DNAH2: variants seen among roughly 807,000 people sequenced by gnomAD.
DNAH2 encodes dynein axonemal heavy chain 2, also known as axonemal beta dynein heavy chain 2.
DNAH2 carries 323 observed loss-of-function variants against 523.5 expected under a neutral mutation model. The observed-to-expected ratio is 0.62, with a 90% confidence interval of 0.56 to 0.68. The LOEUF is 0.68. Ranked by LOEUF, DNAH2 falls within the 30% of genes least tolerant of loss-of-function variation. DNAH2 has a pLI of 0.00. For synonymous variants in DNAH2, 2,093 were observed against 2,177.4 expected, an observed-to-expected ratio of 0.96 and a Z score of 1.08; for missense variants, 4,907 against 5,701.5, an observed-to-expected ratio of 0.86 and a Z score of 4.49.
rs894675291 is a variant in DNAH2, at chr17:7,798,400, T to A, written c.8398+76T>A. 5.8e-6 allele frequency: 9 copies of A among 1,546,328 alleles called. No individual in the cohort carries two copies. The highest frequency in any genetic ancestry group is 7.9e-6 in the Non-Finnish European group (9 of 1,144,608). ...TCCTGCAGTGACAAGAGAGGAGAGATGGCAGCCAGATGGGCAGACGTGTCT... is the reference window on the plus strand; with the variant it reads ...TCCTGCAGTGACAAGAGAGGAGAGAAGGCAGCCAGATGGGCAGACGTGTCT... On this transcript the variant is annotated intron_variant, in intron 54 of 85. Coordinates refer to ENST00000572933, the MANE Select transcript of DNAH2 (RefSeq NM_020877.5). The surrounding 1 kb of genome is among the most constrained non-coding windows in gnomAD (Gnocchi z 5.5).
chr17:7,726,432 T>C (rs955557985), intron 3 of DNAH2, among the ~76,000 whole-genome samples: 8 of 151,590 alleles, frequency 5.3e-5, no homozygotes, highest in African/African-American at 1.9e-4. Flanking sequence ...GCTTCCCGAG[T>C]AGCTGGGATT....
chr17:7,718,518 C>G lies in DNAH2; in HGVS notation c.-296C>G, dbSNP rs1233536529. 1 of 152,156 alleles carries G rather than the reference C, an allele frequency of 6.6e-6. No individual in the cohort carries two copies. The highest frequency in any genetic ancestry group is 1.5e-5 in the Non-Finnish European group (1 of 68,034). 9.4% of individuals were successfully genotyped at this position (152,156 alleles called of 1,614,324 possible). A position where few individuals can be genotyped will look rare whatever the true frequency, so the allele number is the denominator to read the frequency against. ...GCGCCTGGGATTCTGAGCACCTGTC[C>G]GAGATCCCCGCTTCCTGCCATCCTA... On this transcript the variant is annotated 5_prime_UTR_variant, in exon 1 of 86. Coordinates refer to ENST00000572933, the MANE Select transcript of DNAH2 (RefSeq NM_020877.5).
intron 56 of DNAH2, 41 bp downstream of exon 56, chr17:7,799,283 C>T (rs1422271839): frequency 6.2e-7 from 1 of 1,605,830 alleles, no homozygotes; most frequent in Non-Finnish European, 8.5e-7. Flanking sequence ...CTTCTGTGTG[C>T]TCCCTCACCC....
chr17:7,730,904 C>A (rs2074964336), intron 4 of DNAH2, among the ~76,000 whole-genome samples: 1 of 152,044 alleles, frequency 6.6e-6, no homozygotes, highest in African/African-American at 2.4e-5. Flanking sequence ...TGCCTGAGCT[C>A]AGGAGTTTAA....
chr17:7,740,595 T>C (rs779925399), intron 10 of DNAH2, 46 bp downstream of exon 10: 36 of 1,604,150 alleles, frequency 2.2e-5, no homozygotes, highest in Non-Finnish European at 3.1e-5. Flanking sequence ...CCGCGTGCTT[T>C]CCTGGAGTCC....
chr17:7,719,497 G>A (rs1475543623), intron 1 of DNAH2, among the ~76,000 whole-genome samples: 2 of 152,144 alleles, frequency 1.3e-5, no homozygotes, highest in Non-Finnish European at 2.9e-5. Context: ...TTAGCCCAGT[G>A]CCCCGAAGAC....
intron 68 of DNAH2, 96 bp downstream of exon 68, chr17:7,818,192 G>C (rs2077738351): frequency 6.3e-7 from 1 of 1,595,918 alleles, no homozygotes; most frequent in Admixed American, 1.7e-5. Context: ...CCTCCATTCA[G>C]ACAGCCCTGG....
intron 11 of DNAH2, among the ~76,000 whole-genome samples, chr17:7,742,148 G>A (rs2151158650): frequency 6.6e-6 from 1 of 152,000 alleles, no homozygotes; most frequent in South Asian, 2.1e-4. Flanking sequence ...AACTTTCTGG[G>A]GCCAGGTGCG....
At chr17:7,809,251 C>T (rs950522436) in intron 63 of DNAH2, among the ~76,000 whole-genome samples, 1 of 152,214 alleles carries the variant, frequency 6.6e-6, no homozygotes, top group Non-Finnish European at 1.5e-5. Context: ...CTAGGGAGAT[C>T]AAGGGCTCAC....
Position 7,754,704 on chromosome 17 carries a change from C to T in DNAH2, c.1905-2387C>T. 8.2e-7 allele frequency: 1 copy of T among 1,218,678 alleles called. No homozygotes were observed. 75.5% of individuals were successfully genotyped at this position (1,218,678 alleles called of 1,614,324 possible). A position where few individuals can be genotyped will look rare whatever the true frequency, so the allele number is the denominator to read the frequency against. On this transcript the variant is annotated intron_variant, in intron 12 of 85. Coordinates refer to ENST00000572933, the MANE Select transcript of DNAH2 (RefSeq NM_020877.5). This position sits in a 1 kb window ranked among gnomAD's most constrained non-coding sequence, Gnocchi z 4.6. Reference sequence around the variant, plus strand: ...CATTGCCCACCCCAACCTTGGGAAGCTTGCTCGTGCCCGCATGGCCAAGGG... The same window carrying T: ...CATTGCCCACCCCAACCTTGGGAAGTTTGCTCGTGCCCGCATGGCCAAGGG...
intron 63 of DNAH2, among the ~76,000 whole-genome samples, chr17:7,816,312 G>C (rs940676256): frequency 1.3e-5 from 2 of 152,102 alleles, no homozygotes; most frequent in African/African-American, 4.8e-5. Flanking sequence ...AAACTACCAA[G>C]TAGTTTCTGG....
In DNAH2 at chr17:7,737,237, A is replaced by T. The variant is rs759017289; in HGVS notation, c.1149A>T (p.Arg383Ser). 4 of 1,613,840 alleles carry T rather than the reference A, an allele frequency of 2.5e-6. No individual in the cohort carries two copies. The Admixed American group carries it at 6.7e-5, about 27-fold the overall frequency. ...VNSPHYNTRERLTSLFRKVCD... is the reference protein window; with the variant it reads ...VNSPHYNTRESLTSLFRKVCD... ...CTCCCCACTACAACACTCGGGAGAG[A>T]CTGACCTCGCTCTTCCGAAAGGTGT... Residue 383 changes from arginine to serine, a missense_variant, in exon 8 of 86, where the codon AGA (arginine) becomes AGT (serine). Coordinates refer to ENST00000572933, the MANE Select transcript of DNAH2 (RefSeq NM_020877.5).
Position 7,797,540 on chromosome 17 carries a change from G to C in DNAH2, c.8080+10G>C, listed in dbSNP as rs768850521. ...CGTCCTCCTATCTTTGGTGAGCCAG[G>C]AGCTGTGATGACCTTGGGCTTGACA... On this transcript the variant is annotated intron_variant, in intron 52 of 85. Transcript: ENST00000572933. 2 of 1,614,166 alleles carry C rather than the reference G, an allele frequency of 1.2e-6. No homozygotes were observed. Among genetic ancestry groups the C allele is most frequent in the Non-Finnish European group, 1.7e-6 (2 of 1,180,032 alleles).
chr17:7,789,036 T>C (rs749664788), intron 44 of DNAH2, among the ~76,000 whole-genome samples: 1 of 152,102 alleles, frequency 6.6e-6, no homozygotes, highest in Non-Finnish European at 1.5e-5. Flanking sequence ...TGGTGGCACG[T>C]GCCTGTAGTC....
At chr17:7,752,225 T>C (rs1363473260) in intron 12 of DNAH2, among the ~76,000 whole-genome samples, 1 of 150,148 alleles carries the variant, frequency 6.7e-6, no homozygotes, top group African/African-American at 2.4e-5. Context: ...TATTTTATTT[T>C]TGTTGTTTTA....
chr17:7,757,089 A>T lies in DNAH2; in HGVS notation c.1905-2A>T, dbSNP rs1567646909. On this transcript the variant is annotated splice_acceptor_variant, in intron 12 of 85. Transcript: ENST00000572933. LOFTEE classifies it high-confidence loss of function. The stretch of plus-strand genomic sequence containing the variant: ...TCACTGCCTGGCTGCTCTCTCTCAA[A>T]GGTCCCTTCTGATTCTCTTTGCGGA... The T allele has an allele frequency of 2.5e-6, 4 of 1,613,926 alleles. No individual in the cohort carries two copies. Among genetic ancestry groups the T allele is most frequent in the Admixed American group, 1.7e-5 (1 of 59,986 alleles).
intron 48 of DNAH2, among the ~76,000 whole-genome samples, chr17:7,793,827 A>C (rs2076988917): frequency 6.6e-6 from 1 of 151,930 alleles, no homozygotes. Flanking sequence ...TATATCTGGC[A>C]CTCAGGGCCA....
Position 7,743,146 on chromosome 17 carries a change from C to G in DNAH2, c.1904+4C>G. ...TGCTGGATGTCAACTTTGACAAGTA[C>G]AGGAGCCACCTGGCCCCTTTTCCCT... On this transcript the variant is annotated splice_donor_region_variant and intron_variant, in intron 12 of 85. Coordinates refer to ENST00000572933, the MANE Select transcript of DNAH2 (RefSeq NM_020877.5). 1 of 1,604,976 alleles carries G rather than the reference C, an allele frequency of 6.2e-7. No homozygotes were observed. The highest frequency in any genetic ancestry group is 1.1e-5 in the South Asian group (1 of 88,680).
chr17:7,775,063 C>A, intron 29 of DNAH2, 87 bp downstream of exon 29: 2 of 1,353,582 alleles, frequency 1.5e-6, no homozygotes, highest in Non-Finnish European at 1.0e-6. Flanking sequence ...CCTGCCCTCC[C>A]AAAAGGAGGG....
Sources: gnomAD v4.1 joint callset for allele counts (sites outside exome capture counted in the v4.1 genomes callset) on GRCh38, gnomAD v4.1.1 for gene constraint, Gnocchi (gnomAD v3.1) non-coding constraint, MANE v1.5 for transcripts, NCBI Gene and HGNC (gene_info 2026-07-23, HGNC 2026-07-21) for gene names.